The following STXBP4 variants were observed in gnomAD, a reference collection of about 807,000 sequenced individuals.
The protein encoded by STXBP4 is syntaxin-binding protein 4.
STXBP4 carries 55 observed loss-of-function variants against 76.1 expected under a neutral mutation model. The ratio of observed to expected loss-of-function variants is 0.72; its 90% CI spans 0.58 to 0.91. STXBP4 has a LOEUF of 0.91. Ranked by LOEUF, STXBP4 falls within the 40% of genes least tolerant of loss-of-function variation. The pLI, the probability that STXBP4 is intolerant of heterozygous loss-of-function variation, is 0.00. For synonymous variants in STXBP4, 201 were observed against 220.2 expected (o/e 0.91, Z 0.77); for missense variants, 618 against 636.9 (o/e 0.97, Z 0.32).
Position 54,986,179 on chromosome 17 carries a change from A to G in STXBP4, c.-41A>G, listed in dbSNP as rs2077624099. The G allele has an allele frequency of 6.5e-7, 1 of 1,531,236 alleles. No homozygotes were observed. Among genetic ancestry groups the G allele is most frequent in the Non-Finnish European group, 8.9e-7 (1 of 1,117,334 alleles). The allele number at this position is 1,531,236 out of a possible 1,614,324, so 94.9% of individuals were successfully genotyped here. On this transcript the variant is annotated 5_prime_UTR_variant, in exon 3 of 18. Coordinates refer to ENST00000376352, the MANE Select transcript of STXBP4 (RefSeq NM_178509.6). ...TTCTAGACTCTTCATCAAGATCTTC[A>G]TTTATACAGCTGTTAAATCCAAGGC... is the stretch of plus-strand genomic sequence containing the variant.
chr17:54,974,402 T>C (rs1266792521), intron 1 of STXBP4, among the ~76,000 whole-genome samples: 2 of 152,252 alleles, frequency 1.3e-5, no homozygotes, highest in African/African-American at 4.8e-5. Context: ...TAGTTTCTTA[T>C]TTTCTGGCAG....
intron 10 of STXBP4, among the ~76,000 whole-genome samples, chr17:55,042,730 T>A (rs1483863976): frequency 6.6e-6 from 1 of 152,174 alleles, no homozygotes; most frequent in Non-Finnish European, 1.5e-5. Flanking sequence ...CTACAATTTC[T>A]GTGCAGGAAT....
intron 16 of STXBP4, among the ~76,000 whole-genome samples, chr17:55,122,917 A>T (rs2079862588): frequency 6.6e-6 from 1 of 152,236 alleles, no homozygotes; most frequent in Non-Finnish European, 1.5e-5. Context: ...ACATTATCTC[A>T]AATCAAAGTG....
At chr17:55,178,551 TAGTC>T (rs369936516), downstream of STXBP4, among the ~76,000 whole-genome samples, 223 of 152,362 alleles carry the variant, frequency 1.5e-3, 7 homozygotes, top group South Asian at 0.045. Flanking sequence ...CTTACTGTAT[TAGTC>T]AGAATTCTCC....
At chr17:55,020,033 G>A (rs546561595) in intron 8 of STXBP4, among the ~76,000 whole-genome samples, 1 of 152,114 alleles carries the variant, frequency 6.6e-6, no homozygotes, top group East Asian at 1.9e-4. Flanking sequence ...TTCAGGCTTC[G>A]TAAATCTGAA....
At chr17:55,134,888 C>T (rs150985425) in intron 16 of STXBP4, among the ~76,000 whole-genome samples, 1 of 152,230 alleles carries the variant, frequency 6.6e-6, no homozygotes, top group East Asian at 1.9e-4. Context: ...GAAACAACTG[C>T]TGGGGAAATC....
At chr17:55,084,386 T>C (rs1372723823) in intron 16 of STXBP4, among the ~76,000 whole-genome samples, 1 of 152,214 alleles carries the variant, frequency 6.6e-6, no homozygotes, top group Non-Finnish European at 1.5e-5. Context: ...TATTAGCCCT[T>C]TGTCAGATGA....
intron 12 of STXBP4, among the ~76,000 whole-genome samples, chr17:55,057,245 C>T (rs1258378460): frequency 6.6e-6 from 1 of 152,144 alleles, no homozygotes; most frequent in African/African-American, 2.4e-5. Flanking sequence ...GTTAAAAGTA[C>T]AGAAAATCTT....
At chr17:55,158,575 CACTAAGT>C (rs1216858893) in intron 17 of STXBP4, among the ~76,000 whole-genome samples, 2 of 152,192 alleles carry the variant, frequency 1.3e-5, no homozygotes, top group Non-Finnish European at 2.9e-5. Context: ...GGGAGTAGGA[CACTAAGT>C]GTAAGAAATA....
chr17:55,077,729 G>GTA, intron 13 of STXBP4, among the ~76,000 whole-genome samples: 1 of 149,316 alleles, frequency 6.7e-6, no homozygotes, highest in South Asian at 2.1e-4. Flanking sequence ...GTGTGTGTGT[G>GTA]TATCCAGCAT....
rs948673821 is a variant in STXBP4, at chr17:55,170,758, A to G, written c.*10847A>G. On this transcript the variant is annotated 3_prime_UTR_variant, in exon 18 of 18. Coordinates refer to ENST00000376352, the MANE Select transcript of STXBP4 (RefSeq NM_178509.6). ...TTGATTATTGTGGAAACAACAAAAA[A>G]ATTCATTTTTTGAAATGAAAATCTT... The G allele has an allele frequency of 2.6e-5, 4 of 152,242 alleles. No individual in the cohort carries two copies. Among genetic ancestry groups the G allele is most frequent in the African/African-American group, 9.6e-5 (4 of 41,462 alleles). The allele number at this position is 152,242 out of a possible 1,614,324, so 9.4% of individuals were successfully genotyped here.
intron 10 of STXBP4, among the ~76,000 whole-genome samples, chr17:55,042,677 A>C (rs1174037433): frequency 6.6e-6 from 1 of 151,994 alleles, no homozygotes; most frequent in South Asian, 2.1e-4. Flanking sequence ...ATTTTTTGTT[A>C]TTGTTATTCA....
chr17:55,097,480 G>A (rs371364978), intron 16 of STXBP4, among the ~76,000 whole-genome samples: 221 of 152,196 alleles, frequency 1.5e-3, no homozygotes, highest in African/African-American at 4.7e-3. Context: ...TGGCTAACAC[G>A]GTGAAACCCC....
At chr17:55,197,921 T>C in the STXBP4 span, among the ~76,000 whole-genome samples, 82 of 152,294 alleles carry the variant, frequency 5.4e-4, no homozygotes, top group African/African-American at 1.9e-3. Context: ...TTTTCTGGGT[T>C]CTTGGAGTTT....
At chr17:55,203,379 G>A in the STXBP4 span, among the ~76,000 whole-genome samples, 6 of 152,194 alleles carry the variant, frequency 3.9e-5, no homozygotes, top group South Asian at 8.3e-4. Flanking sequence ...TGGAGAGTAA[G>A]CAAGTCATAG....
chr17:55,143,130 G>C (rs1231104390), intron 17 of STXBP4, among the ~76,000 whole-genome samples: 1 of 152,172 alleles, frequency 6.6e-6, no homozygotes, highest in African/African-American at 2.4e-5. Context: ...AATATGCTAG[G>C]TGTATTTCTC....
the STXBP4 span, among the ~76,000 whole-genome samples, chr17:55,203,308 T>C: frequency 6.6e-6 from 1 of 152,194 alleles, no homozygotes; most frequent in Non-Finnish European, 1.5e-5. Context: ...ATTGAAGTTA[T>C]CACAGCGCAT....
chr17:55,200,912 TTCTC>T, the STXBP4 span, among the ~76,000 whole-genome samples: 5 of 152,140 alleles, frequency 3.3e-5, no homozygotes, highest in Non-Finnish European at 5.9e-5. Flanking sequence ...AAACAGGCCT[TTCTC>T]TCTCTCTAAC....
rs959883880 is a variant in STXBP4 at position 55,045,212 on chromosome 17, TAA to T, written c.946-1876_946-1875del. On this transcript the variant is annotated intron_variant, in intron 11 of 17. Transcript: ENST00000376352. ...AAAGTATATGAGCATTTCACTACTATAAGAGTATTTTATATATTTCTTTTCTT... is the reference window on the plus strand; with the variant it reads ...AAAGTATATGAGCATTTCACTACTATGAGTATTTTATATATTTCTTTTCTT... Among the ~76,000 whole-genome samples the T allele has an allele frequency of 2.9e-4, 44 of 152,270 alleles. 1 individual carries two copies. The highest frequency in any genetic ancestry group is 6.8e-3 in the Middle Eastern group (2 of 294).
Sources: allele counts gnomAD v4.1 joint callset (sites outside exome capture counted in the v4.1 genomes callset), GRCh38; gene constraint gnomAD v4.1.1; transcripts MANE v1.5; gene names NCBI Gene and HGNC (gene_info 2026-07-23, HGNC 2026-07-21).